YES1: variants seen among roughly 807,000 people sequenced by gnomAD.
The protein encoded by YES1 is YES proto-oncogene 1, Src family tyrosine kinase.
In YES1, 39 loss-of-function variants were observed where a neutral mutation model predicts 70.4. The observed-to-expected ratio is 0.55, with a 90% confidence interval of 0.43 to 0.72. YES1 has a LOEUF of 0.72. Among genes scored for constraint, YES1 ranks in the 30% least tolerant of loss-of-function variants. The pLI, the probability that YES1 is intolerant of heterozygous loss-of-function variation, is 0.00. For synonymous variants in YES1, 198 were observed against 218.6 expected (o/e 0.91, Z 0.83); for missense variants, 495 against 644.8 (o/e 0.77, Z 2.52).
At chr18:801,516 G>A (rs973224902) in intron 1 of YES1, among the ~76,000 whole-genome samples, 11 of 152,248 alleles carry the variant, frequency 7.2e-5, no homozygotes, top group African/African-American at 2.6e-4. Flanking sequence ...CTATCTTTCT[G>A]CAACACGTCT....
At chr18:764,832 A>G (rs1904788720) in intron 1 of YES1, among the ~76,000 whole-genome samples, 2 of 151,814 alleles carry the variant, frequency 1.3e-5, no homozygotes, top group Admixed American at 1.3e-4. Flanking sequence ...TCCTGGGTTC[A>G]TGCGATTCTC....
intron 8 of YES1, among the ~76,000 whole-genome samples, chr18:742,663 A>G (rs945982414): frequency 6.6e-6 from 1 of 152,168 alleles, no homozygotes; most frequent in Non-Finnish European, 1.5e-5. Context: ...TCACCTTTCT[A>G]GCTTTTCCAT....
intron 8 of YES1, among the ~76,000 whole-genome samples, chr18:742,269 A>T (rs2080224381): frequency 1.3e-5 from 2 of 152,164 alleles, no homozygotes; most frequent in African/African-American, 4.8e-5. Context: ...TAACCCTGTT[A>T]CTGAAGATCC....
intron 4 of YES1, among the ~76,000 whole-genome samples, chr18:747,179 A>C (rs2080290293): frequency 6.6e-6 from 1 of 152,222 alleles, no homozygotes; most frequent in South Asian, 2.1e-4. Flanking sequence ...TAAAGAATGT[A>C]AGTCTTTGGG....
intron 1 of YES1, among the ~76,000 whole-genome samples, chr18:779,101 G>A (rs1264430886): frequency 6.6e-6 from 1 of 152,160 alleles, no homozygotes; most frequent in Non-Finnish European, 1.5e-5. Flanking sequence ...AGAAGAGCCT[G>A]ATGTAAAGAA....
chr18:794,508 T>A (rs190750241), intron 1 of YES1, among the ~76,000 whole-genome samples: 257 of 152,314 alleles, frequency 1.7e-3, no homozygotes, highest in Middle Eastern at 6.8e-3. Context: ...TATGAACTAC[T>A]GTATTACTTT....
chr18:765,008 A>G (rs1015694097), intron 1 of YES1, among the ~76,000 whole-genome samples: 1 of 152,020 alleles, frequency 6.6e-6, no homozygotes, highest in African/African-American at 2.4e-5. Flanking sequence ...GGCTGAGATT[A>G]CAGGCGTGAG....
intron 3 of YES1, among the ~76,000 whole-genome samples, chr18:748,326 G>A (rs540729224): frequency 6.6e-6 from 1 of 150,412 alleles, no homozygotes; most frequent in Non-Finnish European, 1.5e-5. Flanking sequence ...AACAATTTGG[G>A]AGGTAAATCT....
intron 10 of YES1, 60 bp downstream of exon 10, chr18:736,748 T>A (rs2080157686): frequency 6.4e-7 from 1 of 1,571,694 alleles, no homozygotes. Context: ...CCCTGTATAG[T>A]CAAGAGAGTT....
At chr18:756,897 G>A in intron 1 of YES1, 62 bp from the exon 2 acceptor site, 24 of 1,444,464 alleles carry the variant, frequency 1.7e-5, no homozygotes, top group South Asian at 5.7e-5. Context: ...AAAAAGACAG[G>A]GTTCAAAAAA....
Position 752,857 on chromosome 18 carries a change from C to T in YES1, c.272-1053G>A, listed in dbSNP as rs143361346. On this transcript the variant is annotated intron_variant, in intron 2 of 11. Coordinates refer to ENST00000314574, the MANE Select transcript of YES1 (RefSeq NM_005433.4). ...ACTTGGGAGGTTGAGACAGGAGAAT[C>T]GCTTGAAACCCGGAAGTGGAGGTTG... is the stretch of plus-strand genomic sequence containing the variant. Among the ~76,000 whole-genome samples, 543 of 152,160 alleles carry T rather than the reference C, an allele frequency of 3.6e-3. 4 individuals carry two copies. The highest frequency in any genetic ancestry group is 0.012 in the African/African-American group (511 of 41,520).
At chr18:744,656 G>A (rs1416350853) in intron 6 of YES1, among the ~76,000 whole-genome samples, 4 of 146,958 alleles carry the variant, frequency 2.7e-5, no homozygotes, top group Admixed American at 6.8e-5. Flanking sequence ...TCCCAAAGTG[G>A]TGGGATTACA....
chr18:776,892 T>G (rs899292089), intron 1 of YES1, among the ~76,000 whole-genome samples: 1 of 152,182 alleles, frequency 6.6e-6, no homozygotes, highest in Non-Finnish European at 1.5e-5. Context: ...CCTCAACCCT[T>G]AACCAGGCAT....
chr18:787,863 A>G, intron 1 of YES1: 1 of 152,226 alleles, frequency 6.6e-6, no homozygotes, highest in East Asian at 1.9e-4. Context: ...ATTAATCCAT[A>G]GATCGACATA....
intron 1 of YES1, among the ~76,000 whole-genome samples, chr18:775,515 G>A (rs1387179602): frequency 2.0e-5 from 3 of 152,104 alleles, no homozygotes; most frequent in East Asian, 1.9e-4. Flanking sequence ...ATGGAATCAC[G>A]GCCGGATGTA....
At chr18:757,228 G>A (rs1281513311) in intron 1 of YES1, among the ~76,000 whole-genome samples, 1 of 152,238 alleles carries the variant, frequency 6.6e-6, no homozygotes, top group Non-Finnish European at 1.5e-5. Context: ...GTATCGCTGG[G>A]CGCAGTGGCT....
chr18:747,701 A>T (rs1215816355), intron 4 of YES1, among the ~76,000 whole-genome samples: 2 of 152,218 alleles, frequency 1.3e-5, no homozygotes, highest in African/African-American at 4.8e-5. Context: ...GAGACTAGGC[A>T]TAAGGAAATA....
chr18:790,578 C>CA (rs1461459825), intron 1 of YES1, among the ~76,000 whole-genome samples: 1 of 151,824 alleles, frequency 6.6e-6, no homozygotes, highest in Non-Finnish European at 1.5e-5. Context: ...AGGGAGAGTA[C>CA]ACAGTATTAG....
At chr18:774,549 A>G (rs1905288598) in intron 1 of YES1, among the ~76,000 whole-genome samples, 3 of 152,142 alleles carry the variant, frequency 2.0e-5, no homozygotes, top group Admixed American at 2.0e-4. Flanking sequence ...CAAACTCTGA[A>G]GTCACCCTTA....
Sources: gnomAD v4.1 joint callset for allele counts (sites outside exome capture counted in the v4.1 genomes callset) on GRCh38, gnomAD v4.1.1 for gene constraint, MANE v1.5 for transcripts, NCBI Gene and HGNC (gene_info 2026-07-23, HGNC 2026-07-21) for gene names.